Variants in TMTC1 observed in about 807,000 individuals in gnomAD.
The protein encoded by TMTC1 is protein O-mannosyl-transferase TMTC1.
TMTC1 carries 73 observed loss-of-function variants against 104.8 expected under a neutral mutation model. The observed-to-expected ratio is 0.70, with a 90% confidence interval of 0.58 to 0.85. TMTC1 has a LOEUF of 0.85. TMTC1 is among the 40% of genes least tolerant of loss of function. The probability of loss-of-function intolerance (pLI) is 0.00; values close to 1 mark genes in which losing one functional copy is unlikely to be tolerated. For missense variants in TMTC1, 1,035 were observed against 1,096.1 expected (o/e 0.94, Z 0.79); for synonymous variants, 434 against 428.7 (o/e 1.01, Z -0.15).
intron 10 of TMTC1, among the ~76,000 whole-genome samples, chr12:29,542,130 C>G (rs1944817830): frequency 6.6e-6 from 1 of 152,102 alleles, no homozygotes; most frequent in Non-Finnish European, 1.5e-5. Context: ...TATTGAAAGG[C>G]CAGAGTTAAC....
intron 5 of TMTC1, among the ~76,000 whole-genome samples, chr12:29,730,094 G>T (rs545741934): frequency 2.0e-5 from 3 of 152,286 alleles, no homozygotes; most frequent in African/African-American, 7.2e-5. Context: ...GCAGAAGGGT[G>T]CAGTTGAAAC....
intron 17 of TMTC1, among the ~76,000 whole-genome samples, chr12:29,510,446 CTT>C (rs1943802039): frequency 6.6e-6 from 1 of 152,152 alleles, no homozygotes; most frequent in African/African-American, 2.4e-5. Flanking sequence ...TCGTTTTACT[CTT>C]TTAAAGTAAG....
chr12:29,694,128 C>T (rs936379167), intron 5 of TMTC1, among the ~76,000 whole-genome samples: 1 of 152,112 alleles, frequency 6.6e-6, no homozygotes, highest in African/African-American at 2.4e-5. Flanking sequence ...ATCTCTCTCT[C>T]TCTACATACC....
intron 11 of TMTC1, among the ~76,000 whole-genome samples, chr12:29,527,649 A>G (rs1944386879): frequency 6.6e-6 from 1 of 152,234 alleles, no homozygotes; most frequent in African/African-American, 2.4e-5. Flanking sequence ...TGAAAGGAAC[A>G]CAATTGATGT....
At chr12:29,602,260 G>A (rs1946587899) in intron 7 of TMTC1, among the ~76,000 whole-genome samples, 1 of 152,138 alleles carries the variant, frequency 6.6e-6, no homozygotes, top group Admixed American at 6.5e-5. Flanking sequence ...CCCCACCTTA[G>A]TCTCCTGAGT....
intron 6 of TMTC1, among the ~76,000 whole-genome samples, chr12:29,607,748 ATAT>A (rs1946740794): frequency 6.6e-6 from 1 of 152,172 alleles, no homozygotes; most frequent in South Asian, 2.1e-4. Flanking sequence ...TGGACAGGCA[ATAT>A]TATCCCTTCC....
At chr12:29,588,098 T>G (rs565708835) in intron 7 of TMTC1, among the ~76,000 whole-genome samples, 2 of 152,060 alleles carry the variant, frequency 1.3e-5, no homozygotes, top group Admixed American at 1.3e-4. Flanking sequence ...GGTTCATGGT[T>G]TGGCCAAAGA....
chr12:29,774,910 A>G (rs1322258928), intron 1 of TMTC1, among the ~76,000 whole-genome samples: 5 of 152,170 alleles, frequency 3.3e-5, no homozygotes, highest in African/African-American at 1.2e-4. Context: ...AGCAAAATTC[A>G]TGGCTTTGAT....
intron 4 of TMTC1, among the ~76,000 whole-genome samples, chr12:29,754,553 T>C (rs1461737343): frequency 6.6e-6 from 1 of 151,810 alleles, no homozygotes; most frequent in African/African-American, 2.4e-5. Flanking sequence ...GGAAAAGGGG[T>C]TTACAGGTTG....
chr12:29,627,260 C>T (rs924073833), intron 6 of TMTC1, among the ~76,000 whole-genome samples: 1 of 151,912 alleles, frequency 6.6e-6, no homozygotes, highest in African/African-American at 2.4e-5. Context: ...TACAACTCAA[C>T]AACAAAAAAG....
chr12:29,597,234 T>C (rs1480347735), intron 7 of TMTC1, among the ~76,000 whole-genome samples: 4 of 135,360 alleles, frequency 3.0e-5, no homozygotes, highest in African/African-American at 1.5e-4. Flanking sequence ...TCTTTCTTTC[T>C]TTTCTTTCTT....
chr12:29,573,547 T>C (rs1413330849), intron 8 of TMTC1, among the ~76,000 whole-genome samples: 2 of 152,142 alleles, frequency 1.3e-5, no homozygotes, highest in Admixed American at 6.5e-5. Context: ...CATGTAACAA[T>C]AGGTGAGCAG....
intron 6 of TMTC1, among the ~76,000 whole-genome samples, chr12:29,607,716 C>A (rs1946739832): frequency 6.6e-6 from 1 of 152,176 alleles, no homozygotes; most frequent in South Asian, 2.1e-4. Flanking sequence ...AGTGACCCTG[C>A]CACCGATACA....
intron 5 of TMTC1, among the ~76,000 whole-genome samples, chr12:29,708,481 C>T (rs746526630): frequency 1.2e-4 from 18 of 152,118 alleles, no homozygotes; most frequent in Non-Finnish European, 2.4e-4. Flanking sequence ...CCACTGAGCC[C>T]CCTTTGAAAA....
At chr12:29,676,807 T>C (rs564323142) in intron 5 of TMTC1, among the ~76,000 whole-genome samples, 1 of 152,296 alleles carries the variant, frequency 6.6e-6, no homozygotes, top group African/African-American at 2.4e-5. Context: ...AAATGAAGCA[T>C]TTTGTGGGCA....
At position 29,536,069 on chromosome 12, in the gene TMTC1, T is replaced by G. The variant is rs1944633581; in HGVS notation, c.1785+140A>C. The G allele has an allele frequency of 3.7e-5, 24 of 646,236 alleles. No individual in the cohort carries two copies. In the South Asian group the frequency reaches 4.5e-4, roughly 12 times the overall value. 40.0% of individuals were successfully genotyped at this position (646,236 alleles called of 1,614,324 possible). Reference sequence around the variant, plus strand: ...GGAGTGAGAAAATTAGGCTTGTAATTTCTGTCCAAAAGAAACTGACATAGA... The same window carrying G: ...GGAGTGAGAAAATTAGGCTTGTAATGTCTGTCCAAAAGAAACTGACATAGA... On this transcript the variant is annotated intron_variant, in intron 11 of 17. Coordinates refer to ENST00000539277, the MANE Select transcript of TMTC1 (RefSeq NM_001193451.2).
chr12:29,754,300 C>T (rs1943164270), intron 4 of TMTC1, among the ~76,000 whole-genome samples: 1 of 152,026 alleles, frequency 6.6e-6, no homozygotes, highest in Non-Finnish European at 1.5e-5. Flanking sequence ...ACAAGTATCC[C>T]TTTTGAAAAA....
chr12:29,698,846 A>T (rs1465332283), intron 5 of TMTC1, among the ~76,000 whole-genome samples: 1 of 152,202 alleles, frequency 6.6e-6, no homozygotes, highest in African/African-American at 2.4e-5. Context: ...TCAAGGGAGA[A>T]ATGGGGAAAG....
chr12:29,728,672 C>T (rs112922054), intron 5 of TMTC1, among the ~76,000 whole-genome samples: 7 of 151,918 alleles, frequency 4.6e-5, no homozygotes, highest in Non-Finnish European at 8.8e-5. Flanking sequence ...AAACAACATC[C>T]CCAGAAAATT....
Sources: gnomAD v4.1 joint callset for allele counts (sites outside exome capture counted in the v4.1 genomes callset) on GRCh38, gnomAD v4.1.1 for gene constraint, MANE v1.5 for transcripts, NCBI Gene and HGNC (gene_info 2026-07-23, HGNC 2026-07-21) for gene names.